USP42: variants seen among roughly 807,000 people sequenced by gnomAD.
USP42 encodes ubiquitin specific peptidase 42, also known as ubiquitin carboxyl-terminal hydrolase 42.
A neutral mutation model predicts 113.0 loss-of-function variants in USP42; 23 were observed. The observed-to-expected ratio is 0.20, with a 90% CI of 0.15 to 0.29. The LOEUF (loss-of-function observed/expected upper bound fraction) is 0.29, where lower values mean the gene tolerates loss of function less well. USP42 is among the 10% of genes least tolerant of loss of function. USP42 has a pLI of 1.00. For missense variants in USP42, 2,174 were observed against 1,779.8 expected, an observed-to-expected ratio of 1.22 and a Z score of -3.99; for synonymous variants, 933 against 699.0, an observed-to-expected ratio of 1.33 and a Z score of -5.28.
intron 2 of USP42, 79 bp from the exon 3 acceptor site, chr7:6,115,244 G>A (rs920818650): frequency 1.4e-6 from 2 of 1,394,628 alleles, no homozygotes; most frequent in South Asian, 1.2e-5. Context: ...TAAAGATTGA[G>A]GTTTGACCAG....
chr7:6,149,911 T>C lies in USP42; in HGVS notation c.1715T>C (p.Met572Thr), dbSNP rs1562847688. 6.2e-7 allele frequency: 1 copy of C among 1,614,044 alleles called. No individual in the cohort carries two copies. The highest frequency in any genetic ancestry group is 1.1e-5 in the South Asian group (1 of 91,090). Residue 572 changes from methionine (M) to threonine (T), a missense_variant, in exon 13 of 18, where the codon ATG becomes ACG. Coordinates refer to ENST00000306177, the MANE Select transcript of USP42 (RefSeq NM_032172.3). Reference sequence around the variant, plus strand: ...CAGTCTACCTCGAACGCATCTACGATGTCAGTTTCTAGTAAAGTAACAAAA... The same window carrying C: ...CAGTCTACCTCGAACGCATCTACGACGTCAGTTTCTAGTAAAGTAACAAAA... Reference protein sequence around the residue: ...AVQSTSNASTMSVSSKVTKPI... With the variant: ...AVQSTSNASTTSVSSKVTKPI...
chr7:6,096,923 CTTTCTTTT>C, the USP42 span, among the ~76,000 whole-genome samples: 1 of 113,548 alleles, frequency 8.8e-6, no homozygotes, highest in Non-Finnish European at 1.6e-5. Context: ...TTCTTTCTTT[CTTTCTTTT>C]CTTTTTTTTT....
At chr7:6,152,290 C>T (rs11974287) in intron 14 of USP42, among the ~76,000 whole-genome samples, 2,552 of 152,298 alleles carry the variant, frequency 0.017, 68 homozygotes, top group African/African-American at 0.058. Context: ...GTTCTCATGG[C>T]GAACAACTTC....
chr7:6,094,873 C>T, the USP42 span, among the ~76,000 whole-genome samples: 3 of 150,250 alleles, frequency 2.0e-5, no homozygotes, highest in East Asian at 1.9e-4. Context: ...TTGCAACCTC[C>T]GCCTCCCAGG....
At chr7:6,124,910 G>A (rs1780443770) in intron 3 of USP42, among the ~76,000 whole-genome samples, 1 of 152,100 alleles carries the variant, frequency 6.6e-6, no homozygotes, top group South Asian at 2.1e-4. Context: ...GCCGGTGCCA[G>A]TGGCTCATGC....
At chr7:6,084,251 T>A in the USP42 span, among the ~76,000 whole-genome samples, 2 of 151,396 alleles carry the variant, frequency 1.3e-5, no homozygotes, top group East Asian at 3.9e-4. Flanking sequence ...GGTCTTGAAC[T>A]CTTGACCTCA....
At chr7:6,083,581 C>T in the USP42 span, among the ~76,000 whole-genome samples, 4 of 150,058 alleles carry the variant, frequency 2.7e-5, no homozygotes, top group South Asian at 4.2e-4. Flanking sequence ...TGTATGTATA[C>T]ATATATATAC....
Position 6,150,060 on chromosome 7 carries a change from C to T in USP42, c.1864C>T (p.Leu622=), listed in dbSNP as rs1167776804. 6.2e-7 allele frequency: 1 copy of T among 1,609,440 alleles called. No homozygotes were observed. The highest frequency in any genetic ancestry group is 1.1e-5 in the South Asian group (1 of 90,476). The part of the protein sequence containing the change: ...SEDSDEESKG[L]GKENGIGTIV... ...GGACTCTGACGAGGAGTCAAAGGGG[C>T]TGGGCAAGGAGAATGGGATTGGTAC... The change falls in exon 13 of 18, where the codon CTG becomes TTG. Residue 622 remains leucine, a synonymous_variant. Coordinates refer to ENST00000306177, the MANE Select transcript of USP42 (RefSeq NM_032172.3).
In USP42 at chr7:6,139,826, G is replaced by A. The variant is rs118137103; in HGVS notation, c.657-302G>A. The A allele has an allele frequency of 0.017, 7,297 of 442,178 alleles. 94 individuals are homozygous for A. Among genetic ancestry groups the A allele is most frequent in the Middle Eastern group, 0.054 (91 of 1,676 alleles). The allele number at this position is 442,178 out of a possible 1,614,324, so 27.4% of individuals were successfully genotyped here. A position where few individuals can be genotyped will look rare whatever the true frequency, so the allele number is the denominator to read the frequency against. On this transcript the variant is annotated intron_variant, in intron 5 of 17. Transcript: ENST00000306177. This position sits in a 1 kb window ranked among gnomAD's most constrained non-coding sequence, Gnocchi z 4.5. ...CGCTCCCTTTCCTCCCACACAGGCC[G>A]CAGTGCCCGGAGGCTGCCATCTTCC...
intron 3 of USP42, among the ~76,000 whole-genome samples, chr7:6,117,111 C>T (rs902678091): frequency 5.3e-5 from 8 of 152,002 alleles, no homozygotes; most frequent in East Asian, 1.9e-4. Flanking sequence ...TGTATACACC[C>T]GTGGAACTAG....
At chr7:6,108,885 C>G (rs1779439434) in intron 1 of USP42, among the ~76,000 whole-genome samples, 2 of 152,226 alleles carry the variant, frequency 1.3e-5, no homozygotes. Flanking sequence ...GTGCTAAAAG[C>G]AAACGCTAGT....
chr7:6,094,567 T>C, the USP42 span, among the ~76,000 whole-genome samples: 1 of 151,012 alleles, frequency 6.6e-6, no homozygotes, highest in African/African-American at 2.5e-5. Context: ...GCTAGATGAG[T>C]CCTTGAGGAT....
intron 2 of USP42, 32 bp downstream of exon 2, chr7:6,111,406 A>G (rs762402765): frequency 1.9e-6 from 3 of 1,601,738 alleles, no homozygotes; most frequent in South Asian, 2.2e-5. Flanking sequence ...AATTACCGCC[A>G]GAAACTCCTG....
At chr7:6,105,398 G>GC (rs1208329634) in intron 1 of USP42, among the ~76,000 whole-genome samples, 1 of 149,298 alleles carries the variant, frequency 6.7e-6, no homozygotes, top group Non-Finnish European at 1.5e-5. Flanking sequence ...GGGCAGGCAG[G>GC]CGGGAGGCTC....
chr7:6,099,268 G>A, the USP42 span, among the ~76,000 whole-genome samples: 5 of 132,376 alleles, frequency 3.8e-5, 1 homozygote, highest in Non-Finnish European at 7.7e-5. Flanking sequence ...AGGCTGGAGT[G>A]CAGTGGCGCG....
rs1782357603 is a variant in USP42 at position 6,155,024 on chromosome 7, G to T, written c.3470G>T (p.Gly1157Val). 6.4e-7 allele frequency: 1 copy of T among 1,563,732 alleles called. No homozygotes were observed. Among genetic ancestry groups the T allele is most frequent in the Non-Finnish European group, 8.7e-7 (1 of 1,153,734 alleles). ...LSDRFHEHEN[G>V]KSRKRRHDSV... ...GATCGGTTTCACGAACACGAAAATG[G>T]AAAGTCCCGGAAACGGAGACACGAC... Residue 1157 changes from glycine (G) to valine (V), a missense_variant, in exon 15 of 18, where the codon GGA becomes GTA. Coordinates refer to ENST00000306177, the MANE Select transcript of USP42 (RefSeq NM_032172.3).
chr7:6,110,850 T>C (rs1779560951), intron 1 of USP42, among the ~76,000 whole-genome samples: 1 of 152,218 alleles, frequency 6.6e-6, no homozygotes, highest in African/African-American at 2.4e-5. Flanking sequence ...GCCAGACTTT[T>C]AGGGGGCATG....
rs1456066355 is a variant in USP42, at chr7:6,119,813, C to T, written c.442+4290C>T. Among the ~76,000 whole-genome samples, 8 of 152,066 alleles carry T rather than the reference C, an allele frequency of 5.3e-5. No individual in the cohort carries two copies. In the East Asian group the frequency reaches 1.5e-3, roughly 29 times the overall value. ...TGACCTCCTTGGCTCAAGGGATCCC[C>T]TTGCCTCAGCCTCATGAATAGCCAG... On this transcript the variant is annotated intron_variant, in intron 3 of 17. Transcript: ENST00000306177.
At chr7:6,083,795 T>C in the USP42 span, among the ~76,000 whole-genome samples, 1 of 150,748 alleles carries the variant, frequency 6.6e-6, no homozygotes, top group South Asian at 2.1e-4. Flanking sequence ...TAAATTCCTC[T>C]TTTTTTCCCC....
Sources: gnomAD v4.1 joint callset for allele counts (sites outside exome capture counted in the v4.1 genomes callset) on GRCh38, gnomAD v4.1.1 for gene constraint, Gnocchi (gnomAD v3.1) non-coding constraint, MANE v1.5 for transcripts, NCBI Gene and HGNC (gene_info 2026-07-23, HGNC 2026-07-21) for gene names.